Variants in SERTAD2 observed in about 807,000 individuals in gnomAD.
SERTAD2 encodes the protein SERTA domain containing 2.
Under a neutral mutation model 15.4 loss-of-function variants are expected in SERTAD2, and 2 were observed. The observed-to-expected ratio is 0.13, with a 90% CI of 0.05 to 0.41. The LOEUF (loss-of-function observed/expected upper bound fraction) is 0.41. Ranked by LOEUF, SERTAD2 falls within the 10% of genes least tolerant of loss-of-function variation. SERTAD2 has a pLI of 0.99. For synonymous variants in SERTAD2, 180 were observed against 178.0 expected, an observed-to-expected ratio of 1.01 and a Z score of -0.09; for missense variants, 333 against 409.7, an observed-to-expected ratio of 0.81 and a Z score of 1.62.
In SERTAD2 at chr2:64,635,024, G is replaced by C. The variant is rs767708741; in HGVS notation, c.*903C>G. 6.6e-6 allele frequency: 1 copy of C among 152,664 alleles called. No homozygotes were observed. The highest frequency in any genetic ancestry group is 1.5e-5 in the Non-Finnish European group (1 of 68,048). The allele number at this position is 152,664 out of a possible 1,614,324, so 9.5% of individuals were successfully genotyped here. ...GATGAGCACATGTGGCTCTGGCTTT[G>C]GAAGTCACAGTACTGGCGGGTGTTG... On this transcript the variant is annotated 3_prime_UTR_variant, in exon 2 of 2. Transcript: ENST00000313349.
rs545191774 is a variant in SERTAD2, at chr2:64,633,789, G to A, written c.*2138C>T. On this transcript the variant is annotated 3_prime_UTR_variant, in exon 2 of 2. Coordinates refer to ENST00000313349, the MANE Select transcript of SERTAD2 (RefSeq NM_014755.3). ...GTGGAGGTTGCTTGTAGGAGAACAAGTGCAATTTGATCAGTTTCTCACTGC... is the reference window on the plus strand; with the variant it reads ...GTGGAGGTTGCTTGTAGGAGAACAAATGCAATTTGATCAGTTTCTCACTGC... 2.0e-5 allele frequency: 3 copies of A among 152,334 alleles called. No individual in the cohort carries two copies. The South Asian group carries it at 6.2e-4, about 32-fold the overall frequency. The allele number at this position is 152,334 out of a possible 1,614,324, so 9.4% of individuals were successfully genotyped here. A position where few individuals can be genotyped will look rare whatever the true frequency, so the allele number is the denominator to read the frequency against.
intron 1 of SERTAD2, among the ~76,000 whole-genome samples, chr2:64,647,432 C>T (rs902871564): frequency 6.6e-6 from 1 of 152,104 alleles, no homozygotes; most frequent in African/African-American, 2.4e-5. Flanking sequence ...ACGTGCTTTA[C>T]TAGTAAAGAC....
intron 1 of SERTAD2, among the ~76,000 whole-genome samples, chr2:64,638,938 C>A (rs948760957): frequency 5.9e-5 from 9 of 152,060 alleles, no homozygotes; most frequent in Non-Finnish European, 1.5e-5. Context: ...TATTGCAAAA[C>A]GTTTTCTACT....
chr2:64,638,544 G>A (rs1423957058), intron 1 of SERTAD2, among the ~76,000 whole-genome samples: 2 of 152,200 alleles, frequency 1.3e-5, no homozygotes, highest in Non-Finnish European at 2.9e-5. Flanking sequence ...TGGGGTAACC[G>A]TCTTACCTCA....
intron 1 of SERTAD2, among the ~76,000 whole-genome samples, chr2:64,638,411 C>T (rs899021673): frequency 1.3e-5 from 2 of 152,198 alleles, no homozygotes; most frequent in Non-Finnish European, 2.9e-5. Context: ...TTTCAAGTCT[C>T]GACCTAAAGA....
At chr2:64,649,327 C>T (rs1205721270) in intron 1 of SERTAD2, among the ~76,000 whole-genome samples, 2 of 152,236 alleles carry the variant, frequency 1.3e-5, no homozygotes, top group African/African-American at 2.4e-5. Context: ...AAGCAAAGCG[C>T]TAAAGGCTGA....
At chr2:64,646,303 C>T (rs1024659448) in intron 1 of SERTAD2, 2 of 152,122 alleles carry the variant, frequency 1.3e-5, no homozygotes, top group East Asian at 1.9e-4. Flanking sequence ...AAGTTAAAAA[C>T]CACAGCACGC....
Position 64,636,499 on chromosome 2 carries a change from G to T in SERTAD2, c.373C>A (p.Pro125Thr). The change falls in exon 2 of 2, where the codon CCC becomes ACC. Residue 125 changes from proline (P) to threonine (T), a missense_variant. Pro to Thr is a conservative substitution (Grantham distance 38). Transcript: ENST00000313349. Reference sequence around the variant, plus strand: ...GCCGGGGTGAGGCAGGCCTCCAGGGGCGTAGTGCTTCCGAGGTCGCAGGGG... The same window carrying T: ...GCCGGGGTGAGGCAGGCCTCCAGGGTCGTAGTGCTTCCGAGGTCGCAGGGG... ...SHPCDLGSTTPLEACLTPASL... is the reference protein window; with the variant it reads ...SHPCDLGSTTTLEACLTPASL... The T allele has an allele frequency of 6.2e-7, 1 of 1,610,666 alleles. No individual in the cohort carries two copies. The highest frequency in any genetic ancestry group is 8.5e-7 in the Non-Finnish European group (1 of 1,177,480).
intron 1 of SERTAD2, among the ~76,000 whole-genome samples, chr2:64,652,534 T>C (rs2422278): frequency 0.44 from 67,325 of 151,992 alleles, 15,130 homozygotes; most frequent in East Asian, 0.47. Flanking sequence ...TTTCTTAACA[T>C]ACATTGGGAA....
chr2:64,637,317 A>G (rs1219166109), intron 1 of SERTAD2, among the ~76,000 whole-genome samples: 2 of 152,252 alleles, frequency 1.3e-5, no homozygotes, highest in East Asian at 3.8e-4. Context: ...CAGGTGTCAT[A>G]GATTACAGCT....
chr2:64,640,853 C>T (rs371614948), intron 1 of SERTAD2, among the ~76,000 whole-genome samples: 98 of 152,298 alleles, frequency 6.4e-4, no homozygotes, highest in African/African-American at 1.6e-3. Context: ...GGAGGAATCA[C>T]GTGGGTGCTC....
intron 1 of SERTAD2, among the ~76,000 whole-genome samples, chr2:64,647,389 A>G (rs1674924278): frequency 6.6e-6 from 1 of 152,120 alleles, no homozygotes; most frequent in Admixed American, 6.5e-5. Flanking sequence ...AGGGTAAGGA[A>G]CTCTCAGATT....
At chr2:64,637,980 G>A (rs1002754863) in intron 1 of SERTAD2, among the ~76,000 whole-genome samples, 1 of 152,194 alleles carries the variant, frequency 6.6e-6, no homozygotes, top group Non-Finnish European at 1.5e-5. Context: ...ACAATCTCAA[G>A]TTCATTAGCC....
At chr2:64,641,080 T>A (rs972333051) in intron 1 of SERTAD2, among the ~76,000 whole-genome samples, 2 of 152,230 alleles carry the variant, frequency 1.3e-5, no homozygotes, top group Non-Finnish European at 2.9e-5. Flanking sequence ...ACAAAACTCA[T>A]TGGTAGAGAC....
intron 1 of SERTAD2, among the ~76,000 whole-genome samples, chr2:64,651,979 G>C (rs1249692342): frequency 6.6e-6 from 1 of 151,444 alleles, no homozygotes; most frequent in Non-Finnish European, 1.5e-5. Flanking sequence ...TAATTAGGGG[G>C]TGAAACAAGT....
chr2:64,647,439 A>C (rs1030933428), intron 1 of SERTAD2, among the ~76,000 whole-genome samples: 1 of 152,198 alleles, frequency 6.6e-6, no homozygotes, highest in African/African-American at 2.4e-5. Context: ...TTACTAGTAA[A>C]GACTAGCCAG....
intron 1 of SERTAD2, among the ~76,000 whole-genome samples, 177 bp from the exon 2 acceptor site, chr2:64,637,052 G>C (rs1334712743): frequency 6.6e-6 from 1 of 152,218 alleles, no homozygotes. Context: ...CAATAAGAGA[G>C]AGTTAGAAAA....
At chr2:64,649,120 G>A (rs999255515) in intron 1 of SERTAD2, among the ~76,000 whole-genome samples, 9 of 152,222 alleles carry the variant, frequency 5.9e-5, no homozygotes, top group African/African-American at 1.7e-4. Context: ...CTGCCAGCTC[G>A]ATATCTCATT....
chr2:64,646,757 C>T (rs1674910427), intron 1 of SERTAD2: 2 of 152,176 alleles, frequency 1.3e-5, no homozygotes. Flanking sequence ...AAAGTTAATA[C>T]TGGTATTTCA....
Sources: gnomAD v4.1 joint callset for allele counts (sites outside exome capture counted in the v4.1 genomes callset) on GRCh38, gnomAD v4.1.1 for gene constraint, MANE v1.5 for transcripts, NCBI Gene and HGNC (gene_info 2026-07-23, HGNC 2026-07-21) for gene names.